The following LYVE1 variants were observed in gnomAD, a reference collection of about 807,000 sequenced individuals.
LYVE1 encodes lymphatic vessel endothelial hyaluronan receptor 1, also known as lymphatic vessel endothelial hyaluronic acid receptor 1.
In LYVE1, 29 loss-of-function variants were observed where a neutral mutation model predicts 31.5. The observed-to-expected ratio is 0.92, with a 90% CI of 0.69 to 1.26. The LOEUF is 1.26. Ranked by LOEUF, LYVE1 falls within the 50% of genes most tolerant of loss-of-function variation. The probability of loss-of-function intolerance (pLI) is 0.00; values close to 1 mark genes in which losing one functional copy is unlikely to be tolerated. For missense variants in LYVE1, 376 were observed against 380.2 expected (o/e 0.99, Z 0.09); for synonymous variants, 134 against 139.4 (o/e 0.96, Z 0.27).
chr11:10,559,905 CAG>C lies in LYVE1; in HGVS notation c.704-13_704-12del. 1 of 1,602,648 alleles carries C rather than the reference CAG, an allele frequency of 6.2e-7. No homozygotes were observed. The highest frequency in any genetic ancestry group is 8.5e-7 in the Non-Finnish European group (1 of 1,169,640). On this transcript the variant is annotated splice_polypyrimidine_tract_variant and intron_variant, in intron 4 of 5. Coordinates refer to ENST00000256178, the MANE Select transcript of LYVE1 (RefSeq NM_006691.4). ...GAGCCGTGGGGACACCTGCAAGGAA[CAG>C]AGACAAGGCCTGTTGGTCCTTCACT...
chr11:10,563,916 G>C, intron 3 of LYVE1, 24 bp downstream of exon 3: 1 of 1,613,834 alleles, frequency 6.2e-7, no homozygotes, highest in Admixed American at 1.7e-5. Flanking sequence ...AATGCCACGT[G>C]GAAAGGTTGC....
In LYVE1 at chr11:10,560,520, G is replaced by C. The variant is rs200122188; in HGVS notation, c.678C>G (p.Phe226Leu). ...CTCCAAACCCAGCAGCTTCATTCTT[G>C]AATGCTGCTTTATTTTCAACAAATG... ...TEPFVENKAA[F>L]KNEAAGFGGV... The change falls in exon 4 of 6, where the codon TTC becomes TTG. Residue 226 changes from phenylalanine to leucine, a missense_variant. Coordinates refer to ENST00000256178, the MANE Select transcript of LYVE1 (RefSeq NM_006691.4). The C allele has an allele frequency of 1.4e-5, 23 of 1,610,464 alleles. No homozygotes were observed. The highest frequency in any genetic ancestry group is 1.9e-5 in the Non-Finnish European group (22 of 1,177,858).
rs201104585 is a variant in LYVE1, at chr11:10,564,334, G to A, written c.126C>T (p.Thr42=). The change falls in exon 2 of 6, where the codon ACC becomes ACT. Residue 42 remains threonine, a synonymous_variant. Coordinates refer to ENST00000256178, the MANE Select transcript of LYVE1 (RefSeq NM_006691.4). ...IQVSCRIMGI[T]LVSKKANQQL... is the part of the protein sequence containing the mutation. ...GCTGGTTCGCCTTTTTGCTCACAAG[G>A]GTGATCCCCATAATTCTGCATGACA... The A allele has an allele frequency of 7.1e-5, 114 of 1,613,936 alleles. No homozygotes were observed. Among genetic ancestry groups the A allele is most frequent in the Middle Eastern group, 3.3e-4 (2 of 6,082 alleles).
intron 1 of LYVE1, among the ~76,000 whole-genome samples, chr11:10,567,559 C>A (rs1029873680): frequency 6.6e-5 from 10 of 152,180 alleles, no homozygotes; most frequent in African/African-American, 2.4e-4. Flanking sequence ...CTGTTTCTAG[C>A]ATATTTTATA....
chr11:10,559,162 C>T lies in LYVE1; in HGVS notation c.918G>A (p.Glu306=). The change falls in exon 6 of 6, where the codon GAG becomes GAA. Residue 306 remains glutamate, a synonymous_variant. Coordinates refer to ENST00000256178, the MANE Select transcript of LYVE1 (RefSeq NM_006691.4). ...CGGTAGTTTTGCTTGGACTCTTGGA[C>T]TCTTCTGGGTTTTTATCAGTTTTCT... is the stretch of plus-strand genomic sequence containing the variant. ...ESKKTDKNPE[E]SKSPSKTTVR... 1.9e-6 allele frequency: 3 copies of T among 1,614,152 alleles called. No homozygotes were observed. The highest frequency in any genetic ancestry group is 2.2e-5 in the East Asian group (1 of 44,888).
At chr11:10,561,561 C>T (rs1850425252) in intron 3 of LYVE1, among the ~76,000 whole-genome samples, 1 of 152,114 alleles carries the variant, frequency 6.6e-6, no homozygotes, top group African/African-American at 2.4e-5. Context: ...CAATCTGTTG[C>T]ATGTGCTAGA....
intron 3 of LYVE1, among the ~76,000 whole-genome samples, chr11:10,563,035 G>A (rs1393225460): frequency 1.5e-5 from 2 of 130,368 alleles, no homozygotes; most frequent in South Asian, 5.1e-4. Context: ...CTCACTGCAA[G>A]CTCCGCCTCC....
intron 5 of LYVE1, 38 bp from the exon 6 acceptor site, chr11:10,559,335 C>T: frequency 6.4e-7 from 1 of 1,552,486 alleles, no homozygotes; most frequent in South Asian, 1.1e-5. Flanking sequence ...GAGAGACTCT[C>T]ACACATAACG....
In LYVE1 at chr11:10,564,632, C is replaced by T. The variant is rs11042878; in HGVS notation, c.86-258G>A. Among the ~76,000 whole-genome samples the T allele has an allele frequency of 5.3e-3, 813 of 152,300 alleles. 4 individuals carry two copies. Among genetic ancestry groups the T allele is most frequent in the South Asian group, 0.035 (170 of 4,822 alleles). On this transcript the variant is annotated intron_variant, in intron 1 of 5. Transcript: ENST00000256178. ...CATCCCACTGCATTAAGATGCCTTGCTCACCATATAGGGGCTTTGGCTACC... is the reference window on the plus strand; with the variant it reads ...CATCCCACTGCATTAAGATGCCTTGTTCACCATATAGGGGCTTTGGCTACC...
intron 3 of LYVE1, among the ~76,000 whole-genome samples, chr11:10,561,064 A>T (rs1464724225): frequency 6.6e-6 from 1 of 152,184 alleles, no homozygotes; most frequent in Non-Finnish European, 1.5e-5. Flanking sequence ...CCATACTGAA[A>T]TTACTTGAAA....
rs764437814 is a variant in LYVE1 at position 10,564,094 on chromosome 11, A to C, written c.258-15T>G. 3.7e-6 allele frequency: 6 copies of C among 1,614,170 alleles called. No homozygotes were observed. In the South Asian group the frequency reaches 5.5e-5, roughly 15 times the overall value. On this transcript the variant is annotated splice_polypyrimidine_tract_variant and intron_variant, in intron 2 of 5. Transcript: ENST00000256178. ...CCCAGCCATAGCTGTAAAAGAATAC[A>C]CACTAGTTGAACAGAAAAATGATTA...
chr11:10,560,799 A>G lies in LYVE1; in HGVS notation c.399T>C (p.Asp133=), dbSNP rs750560962. 1.2e-6 allele frequency: 2 copies of G among 1,605,160 alleles called. No individual in the cohort carries two copies. Among genetic ancestry groups the G allele is most frequent in the South Asian group, 2.2e-5 (2 of 90,520 alleles). Reference sequence around the variant, plus strand: ...CTGGAATGCACGAGTTAGTCCAAGTATCTGTTGGGATAGGGAAACATGGAA... The same window carrying G: ...CTGGAATGCACGAGTTAGTCCAAGTGTCTGTTGGGATAGGGAAACATGGAA... ...QFAAYCYNSS[D]TWTNSCIPEI... Residue 133 remains aspartate (D), a splice_region_variant and synonymous_variant, in exon 4 of 6, where the codon GAT becomes GAC. Transcript: ENST00000256178.
intron 3 of LYVE1, among the ~76,000 whole-genome samples, chr11:10,562,820 G>T (rs76992779): frequency 3.6e-4 from 55 of 152,176 alleles, no homozygotes; most frequent in Non-Finnish European, 7.4e-4. Context: ...GACTGGGTCT[G>T]GTTCTTAAAA....
rs772179916 is a variant in LYVE1 at position 10,564,185 on chromosome 11, A to C, written c.257+18T>G. 1.2e-6 allele frequency: 2 copies of C among 1,613,802 alleles called. No homozygotes were observed. Among genetic ancestry groups the C allele is most frequent in the South Asian group, 2.2e-5 (2 of 91,070 alleles). The stretch of plus-strand genomic sequence containing the variant: ...AAAAAGAACTCCAGCAGTGACAGTG[A>C]AACCAGCTTTTTCTCACCTGCAAGT... On this transcript the variant is annotated intron_variant, in intron 2 of 5. Transcript: ENST00000256178.
rs976225470 is a variant in LYVE1, at chr11:10,563,793, G to A, written c.397+147C>T. 13 of 1,022,626 alleles carry A rather than the reference G, an allele frequency of 1.3e-5. No homozygotes were observed. In the Admixed American group the frequency reaches 2.3e-4, roughly 18 times the overall value. 63.3% of individuals were successfully genotyped at this position (1,022,626 alleles called of 1,614,324 possible). On this transcript the variant is annotated intron_variant, in intron 3 of 5. Coordinates refer to ENST00000256178, the MANE Select transcript of LYVE1 (RefSeq NM_006691.4). ...TTTGAGGGGCATATTGCCACCCCTA[G>A]CCTGGCCAGAGAGACAGTGTCGGGA... is the stretch of plus-strand genomic sequence containing the variant.
Position 10,558,979 on chromosome 11 carries a change from G to T in LYVE1, c.*132C>A. ...CTCCATAGTCCAATGGCAGTCCTGA[G>T]CTGATTCCAGTTAGGAACCAAGGGT... is the stretch of plus-strand genomic sequence containing the variant. On this transcript the variant is annotated 3_prime_UTR_variant, in exon 6 of 6. Coordinates refer to ENST00000256178, the MANE Select transcript of LYVE1 (RefSeq NM_006691.4). 1.3e-6 allele frequency: 1 copy of T among 787,484 alleles called. No individual in the cohort carries two copies. The highest frequency in any genetic ancestry group is 2.1e-6 in the Non-Finnish European group (1 of 475,712). 48.8% of individuals were successfully genotyped at this position (787,484 alleles called of 1,614,324 possible). A position where few individuals can be genotyped will look rare whatever the true frequency, so the allele number is the denominator to read the frequency against.
intron 3 of LYVE1, among the ~76,000 whole-genome samples, chr11:10,561,362 T>C (rs1365249486): frequency 6.6e-6 from 1 of 152,154 alleles, no homozygotes; most frequent in Non-Finnish European, 1.5e-5. Flanking sequence ...ACATAGCACA[T>C]GCTCAATAAC....
intron 1 of LYVE1, among the ~76,000 whole-genome samples, chr11:10,567,828 T>A (rs1850572098): frequency 6.6e-6 from 1 of 152,198 alleles, no homozygotes; most frequent in African/African-American, 2.4e-5. Flanking sequence ...AATATTTTTT[T>A]AAAACATTGC....
intron 3 of LYVE1, among the ~76,000 whole-genome samples, chr11:10,562,526 G>A (rs563941035): frequency 4.6e-5 from 7 of 152,246 alleles, no homozygotes; most frequent in Admixed American, 1.3e-4. Context: ...TCGGATCTTC[G>A]AGAATGATCT....
Sources: allele counts gnomAD v4.1 joint callset (sites outside exome capture counted in the v4.1 genomes callset), GRCh38; gene constraint gnomAD v4.1.1; transcripts MANE v1.5; gene names NCBI Gene and HGNC (gene_info 2026-07-23, HGNC 2026-07-21).